Variants in PLOD2 observed in about 807,000 individuals in gnomAD.
PLOD2 encodes procollagen-lysine,2-oxoglutarate 5-dioxygenase 2.
Under a neutral mutation model 101.0 loss-of-function variants are expected in PLOD2, and 65 were observed. That is an observed-to-expected ratio of 0.64 (90% CI 0.53 to 0.79). The LOEUF (loss-of-function observed/expected upper bound fraction) is 0.79. PLOD2 is among the 30% of genes least tolerant of loss of function. PLOD2 has a pLI of 0.00. For synonymous variants in PLOD2, 314 were observed against 302.9 expected (o/e 1.04, Z -0.38); for missense variants, 909 against 914.6 (o/e 0.99, Z 0.08).
At chr3:146,072,387 T>TA (rs1455579549) in intron 17 of PLOD2, among the ~76,000 whole-genome samples, 174 bp downstream of exon 17, 23 of 151,620 alleles carry the variant, frequency 1.5e-4, no homozygotes, top group African/African-American at 2.4e-4. Flanking sequence ...ACTTAAGTGT[T>TA]AAAAAAATTG....
intron 7 of PLOD2, among the ~76,000 whole-genome samples, chr3:146,097,910 G>A (rs1460036520): frequency 6.6e-6 from 1 of 152,050 alleles, no homozygotes; most frequent in Non-Finnish European, 1.5e-5. Context: ...CAGAGACAAG[G>A]ATGAAGCTGG....
chr3:146,121,809 G>A (rs934631490), intron 2 of PLOD2, among the ~76,000 whole-genome samples: 12 of 152,072 alleles, frequency 7.9e-5, no homozygotes, highest in African/African-American at 2.7e-4. Context: ...TATTGCCTAA[G>A]TATGATTAAT....
intron 1 of PLOD2, among the ~76,000 whole-genome samples, chr3:146,159,086 A>G (rs2032443335): frequency 6.6e-6 from 1 of 152,204 alleles, no homozygotes; most frequent in Non-Finnish European, 1.5e-5. Context: ...CTATGAGAAC[A>G]CCTACCTACA....
At chr3:146,099,901 A>G (rs1331664267) in intron 7 of PLOD2, among the ~76,000 whole-genome samples, 2 of 84,818 alleles carry the variant, frequency 2.4e-5, no homozygotes, top group Non-Finnish European at 2.4e-5. Context: ...TTTTTTTTTG[A>G]GACAGAGTTT....
At chr3:146,104,741 T>C (rs1307323693) in intron 5 of PLOD2, among the ~76,000 whole-genome samples, 1 of 152,198 alleles carries the variant, frequency 6.6e-6, no homozygotes, top group Admixed American at 6.5e-5. Flanking sequence ...ATATTCTCTC[T>C]AGGGTCTATG....
chr3:146,103,932 C>T (rs1937483297), intron 6 of PLOD2, among the ~76,000 whole-genome samples: 1 of 151,924 alleles, frequency 6.6e-6, no homozygotes, highest in Non-Finnish European at 1.5e-5. Context: ...AGGATCTACT[C>T]TAATACTCTG....
chr3:146,118,735 C>CA (rs35880309), intron 3 of PLOD2, among the ~76,000 whole-genome samples: 5,590 of 152,162 alleles, frequency 0.037, 168 homozygotes, highest in Non-Finnish European at 0.049. Context: ...AAATATTACA[C>CA]AAAATACATT....
chr3:146,099,678 C>A (rs2864792), intron 7 of PLOD2, among the ~76,000 whole-genome samples: 76,410 of 151,586 alleles, frequency 0.5, 19,326 homozygotes, highest in East Asian at 0.56. Flanking sequence ...GAGGTGTGAA[C>A]CACCGCACCA....
intron 1 of PLOD2, among the ~76,000 whole-genome samples, chr3:146,152,058 C>T (rs1553742941): frequency 6.6e-6 from 1 of 152,112 alleles, no homozygotes; most frequent in Non-Finnish European, 1.5e-5. Context: ...TAAAAGCATA[C>T]ACAAACTGCT....
intron 3 of PLOD2, among the ~76,000 whole-genome samples, chr3:146,113,814 G>T (rs866916963): frequency 2.0e-5 from 3 of 152,280 alleles, no homozygotes; most frequent in Middle Eastern, 3.4e-3. Flanking sequence ...GCGATGTTCA[G>T]GGAACAAGGG....
chr3:146,108,131 T>C (rs1426600480), intron 4 of PLOD2, among the ~76,000 whole-genome samples: 1 of 152,124 alleles, frequency 6.6e-6, no homozygotes, highest in Non-Finnish European at 1.5e-5. Flanking sequence ...AAAACATCTA[T>C]TTTCACATTA....
chr3:146,117,864 T>C (rs1298820598), intron 3 of PLOD2, among the ~76,000 whole-genome samples: 1 of 152,000 alleles, frequency 6.6e-6, no homozygotes, highest in Non-Finnish European at 1.5e-5. Context: ...TATCACAGTG[T>C]CCTTCTTCTC....
intron 15 of PLOD2, chr3:146,075,910 G>C (rs34695557): frequency 6.6e-6 from 1 of 151,608 alleles, no homozygotes; most frequent in Non-Finnish European, 1.5e-5. Context: ...TAATTATGTC[G>C]TTTTAATTTT....
At chr3:146,115,156 T>C (rs2108078501) in intron 3 of PLOD2, among the ~76,000 whole-genome samples, 1 of 152,174 alleles carries the variant, frequency 6.6e-6, no homozygotes, top group South Asian at 2.1e-4. Flanking sequence ...GGCCAACACT[T>C]AGGGAAATAG....
chr3:146,134,734 T>C (rs1018057594), intron 1 of PLOD2, among the ~76,000 whole-genome samples: 49 of 152,236 alleles, frequency 3.2e-4, no homozygotes, highest in African/African-American at 1.1e-3. Context: ...GCTGAGGTAA[T>C]ACATTCCTGC....
Position 146,074,609 on chromosome 3 carries a change from T to C in PLOD2, c.1678-1257A>G, listed in dbSNP as rs144960474. Among the ~76,000 whole-genome samples the C allele has an allele frequency of 2.8e-3, 425 of 151,626 alleles. 1 individual carries two copies. The highest frequency in any genetic ancestry group is 5.0e-3 in the Non-Finnish European group (340 of 67,618). On this transcript the variant is annotated intron_variant, in intron 15 of 19. Transcript: ENST00000282903. ...CTAATATTAATTAGCTTTCTGATTC[T>C]AAAATGTGGCAAGAAATTGAATAAT...
Position 146,107,622 on chromosome 3 carries a change from A to T in PLOD2, c.503-978T>A, listed in dbSNP as rs958861997. Among the ~76,000 whole-genome samples, 88 of 68,872 alleles carry T rather than the reference A, an allele frequency of 1.3e-3. 1 individual carries two copies. The highest frequency in any genetic ancestry group is 1.6e-3 in the Non-Finnish European group (62 of 38,864). The allele number at this position is 68,872 out of a possible 152,430, so 45.2% of individuals were successfully genotyped here. Reference sequence around the variant, plus strand: ...TCATTTTTTGGTTCTTGCCATATAAATTTTTTTTTTTTTTTTTTTTTTTTT... The same window carrying T: ...TCATTTTTTGGTTCTTGCCATATAATTTTTTTTTTTTTTTTTTTTTTTTTT... On this transcript the variant is annotated intron_variant, in intron 4 of 19. Coordinates refer to ENST00000282903, the MANE Select transcript of PLOD2 (RefSeq NM_182943.3).
At chr3:146,142,994 G>A (rs569890838) in intron 1 of PLOD2, among the ~76,000 whole-genome samples, 1 of 152,046 alleles carries the variant, frequency 6.6e-6, no homozygotes, top group Admixed American at 6.6e-5. Flanking sequence ...TGAAAAATCT[G>A]CTTCAAGCAG....
Position 146,088,566 on chromosome 3 carries a change from T to C in PLOD2, c.1005+20A>G. On this transcript the variant is annotated intron_variant, in intron 9 of 19. Coordinates refer to ENST00000282903, the MANE Select transcript of PLOD2 (RefSeq NM_182943.3). ...CCAAAAATAGTTTTGACATAAAATA[T>C]TCATTTCTCAAATACTTACTTTGTT... 1 of 1,490,966 alleles carries C rather than the reference T, an allele frequency of 6.7e-7. No homozygotes were observed. The highest frequency in any genetic ancestry group is 9.3e-7 in the Non-Finnish European group (1 of 1,073,112). 92.4% of individuals were successfully genotyped at this position (1,490,966 alleles called of 1,614,324 possible).
Sources: allele counts gnomAD v4.1 joint callset (sites outside exome capture counted in the v4.1 genomes callset), GRCh38; gene constraint gnomAD v4.1.1; transcripts MANE v1.5; gene names NCBI Gene and HGNC (gene_info 2026-07-23, HGNC 2026-07-21).